Variants in TRIM49 observed in about 807,000 individuals in gnomAD.
TRIM49 encodes tripartite motif-containing protein 49.
A neutral mutation model predicts 27.4 loss-of-function variants in TRIM49; 5 were observed. The ratio of observed to expected loss-of-function variants is 0.18; its 90% CI spans 0.10 to 0.38. TRIM49 has a LOEUF of 0.38. TRIM49 is among the 10% of genes least tolerant of loss of function. TRIM49 has a pLI of 1.00. For synonymous variants in TRIM49, 69 were observed against 166.0 expected (o/e 0.42, Z 4.49); for missense variants, 188 against 487.5 (o/e 0.39, Z 5.79).
downstream of TRIM49, among the ~76,000 whole-genome samples, chr11:89,793,665 CT>C (rs1454615495): frequency 1.4e-4 from 22 of 152,084 alleles, no homozygotes; most frequent in South Asian, 4.6e-3. Flanking sequence ...CAGAAAAGGC[CT>C]TTGACAAAAT....
the TRIM49 span, chr11:89,768,794 A>G: frequency 4.0e-6 from 2 of 505,256 alleles, no homozygotes; most frequent in South Asian, 1.4e-5. Flanking sequence ...TCCAGCTTGC[A>G]TTGATGGCCA....
At chr11:89,804,588 C>A (rs1328119155) in intron 2 of TRIM49, 115 bp from the exon 3 acceptor site, 3 of 1,044,866 alleles carry the variant, frequency 2.9e-6, no homozygotes, top group African/African-American at 1.7e-5. Flanking sequence ...CATTAAAGTA[C>A]AACAAACTAT....
chr11:89,769,406 A>G, the TRIM49 span, among the ~76,000 whole-genome samples: 1 of 136,942 alleles, frequency 7.3e-6, no homozygotes, highest in Non-Finnish European at 1.5e-5. Context: ...GTTCATGGAG[A>G]GGAGTGTCAT....
the TRIM49 span, among the ~76,000 whole-genome samples, chr11:89,773,662 G>A: frequency 7.3e-6 from 1 of 136,628 alleles, no homozygotes; most frequent in Non-Finnish European, 1.5e-5. Context: ...CATGTGGCCC[G>A]GTGCAGTGGC....
downstream of TRIM49, among the ~76,000 whole-genome samples, chr11:89,797,173 A>G (rs1403882414): frequency 6.6e-6 from 1 of 151,182 alleles, no homozygotes; most frequent in Non-Finnish European, 1.5e-5. Context: ...TTATGTATCC[A>G]ATTCTGTAAA....
chr11:89,784,037 T>C, the TRIM49 span, among the ~76,000 whole-genome samples: 1 of 136,502 alleles, frequency 7.3e-6, no homozygotes, highest in East Asian at 2.2e-4. Context: ...TCCCATCCTA[T>C]AGGTTCAAAA....
the TRIM49 span, among the ~76,000 whole-genome samples, chr11:89,790,773 G>A: frequency 6.7e-6 from 1 of 149,676 alleles, no homozygotes; most frequent in Non-Finnish European, 1.5e-5. Flanking sequence ...AAAGCCCAAA[G>A]GTAGATAAAA....
In TRIM49 at chr11:89,798,481, G is replaced by A; in HGVS notation, c.1008C>T (p.Phe336=). ...CCTCCCAGTAATATTTGCCCGAGGT[G>A]AAAGTCTGAACACCCCATGCAAGAA... ...RSFLAWGVQT[F]TSGKYYWEVH... The change falls in exon 8 of 8, where the codon TTC becomes TTT. Residue 336 remains phenylalanine (F), a synonymous_variant. Transcript: ENST00000329758. 1 of 1,593,456 alleles carries A rather than the reference G, an allele frequency of 6.3e-7. No homozygotes were observed. The highest frequency in any genetic ancestry group is 8.5e-7 in the Non-Finnish European group (1 of 1,173,230).
chr11:89,790,326 G>C, the TRIM49 span, among the ~76,000 whole-genome samples: 3 of 143,180 alleles, frequency 2.1e-5, no homozygotes, highest in African/African-American at 8.0e-5. Flanking sequence ...CTCCACCTGT[G>C]GGGGCAGGGC....
intron 4 of TRIM49, among the ~76,000 whole-genome samples, chr11:89,802,541 C>T (rs550237198): frequency 6.6e-6 from 1 of 150,886 alleles, no homozygotes; most frequent in South Asian, 2.1e-4. Context: ...ATGCTGTTCT[C>T]TCCAACTAGA....
the TRIM49 span, chr11:89,777,492 A>T: frequency 2.1e-6 from 3 of 1,460,920 alleles, no homozygotes; most frequent in African/African-American, 4.3e-5. Flanking sequence ...GGAGGTGGTG[A>T]TTATTCCATG....
chr11:89,791,086 C>A, the TRIM49 span, among the ~76,000 whole-genome samples: 1 of 149,098 alleles, frequency 6.7e-6, no homozygotes, highest in Admixed American at 6.6e-5. Flanking sequence ...GGCAGGAGAA[C>A]TACGTGATGA....
At chr11:89,783,434 T>C in the TRIM49 span, among the ~76,000 whole-genome samples, 2 of 104,084 alleles carry the variant, frequency 1.9e-5, no homozygotes, top group Non-Finnish European at 3.8e-5. Flanking sequence ...ATAAATTGAT[T>C]TTCAGATTGA....
chr11:89,790,253 G>A, the TRIM49 span, among the ~76,000 whole-genome samples: 1 of 136,876 alleles, frequency 7.3e-6, no homozygotes, highest in African/African-American at 2.8e-5. Flanking sequence ...AAACAAAGTG[G>A]CCTGGAAGCT....
the TRIM49 span, among the ~76,000 whole-genome samples, chr11:89,770,017 G>A: frequency 1.5e-5 from 2 of 135,168 alleles, no homozygotes; most frequent in Non-Finnish European, 3.0e-5. Flanking sequence ...TCAGGGACAA[G>A]GAGAATGAGG....
At chr11:89,785,118 C>A in the TRIM49 span, among the ~76,000 whole-genome samples, 2 of 146,892 alleles carry the variant, frequency 1.4e-5, 1 homozygote, top group Non-Finnish European at 3.0e-5. Flanking sequence ...TTTATGGAGG[C>A]TGAGGCAGGA....
chr11:89,789,608 G>A, the TRIM49 span: 2 of 151,578 alleles, frequency 1.3e-5, no homozygotes, highest in East Asian at 3.9e-4. Context: ...ACTTTGTGGA[G>A]CTCCCACAAA....
chr11:89,784,029 C>T, the TRIM49 span, among the ~76,000 whole-genome samples: 1 of 137,740 alleles, frequency 7.3e-6, no homozygotes, highest in Admixed American at 7.0e-5. Context: ...GCATTTATTC[C>T]CATCCTATAG....
chr11:89,770,073 T>C, the TRIM49 span, among the ~76,000 whole-genome samples: 1 of 122,730 alleles, frequency 8.1e-6, no homozygotes, highest in Non-Finnish European at 1.6e-5. Flanking sequence ...TAGGCAGACA[T>C]TCTCCCCTCC....
Sources: gnomAD v4.1 joint callset for allele counts (sites outside exome capture counted in the v4.1 genomes callset) on GRCh38, gnomAD v4.1.1 for gene constraint, MANE v1.5 for transcripts, NCBI Gene and HGNC (gene_info 2026-07-23, HGNC 2026-07-21) for gene names.